Variants in UNC13C observed in about 807,000 individuals in gnomAD.
The protein encoded by UNC13C is unc-13 homolog C, also known as protein unc-13 homolog C.
Under a neutral mutation model 245.4 loss-of-function variants are expected in UNC13C, and 174 were observed. The ratio of observed to expected loss-of-function variants is 0.71; its 90% CI spans 0.63 to 0.80. UNC13C has a LOEUF of 0.80. Ranked by LOEUF, UNC13C falls within the 30% of genes least tolerant of loss-of-function variation. The pLI, the probability that UNC13C is intolerant of heterozygous loss-of-function variation, is 0.00. For synonymous variants in UNC13C, 992 were observed against 895.1 expected, an observed-to-expected ratio of 1.11 and a Z score of -1.93; for missense variants, 2,829 against 2,602.9, an observed-to-expected ratio of 1.09 and a Z score of -1.89.
At chr15:54,178,813 A>C (rs1408434057) in intron 4 of UNC13C, among the ~76,000 whole-genome samples, 3 of 152,160 alleles carry the variant, frequency 2.0e-5, no homozygotes, top group African/African-American at 7.2e-5. Flanking sequence ...AGCTTTACAG[A>C]GAAGTCTGAC....
chr15:54,017,355 C>T lies in UNC13C; in HGVS notation c.2983+1469C>T, dbSNP rs144737213. Among the ~76,000 whole-genome samples the T allele has an allele frequency of 3.9e-5, 6 of 152,044 alleles. No individual in the cohort carries two copies. The South Asian group carries it at 6.2e-4, about 16-fold the overall frequency. ...TTATATTGGAGTGATTTTTGAGAGT[C>T]GGATATCCTTGTTACTGAAATTCAT... On this transcript the variant is annotated intron_variant, in intron 2 of 32. Coordinates refer to ENST00000260323, the MANE Select transcript of UNC13C (RefSeq NM_001080534.3).
At chr15:54,569,201 AC>A (rs35319108) in intron 30 of UNC13C, among the ~76,000 whole-genome samples, 85,680 of 151,328 alleles carry the variant, frequency 0.57, 26,745 homozygotes, top group African/African-American at 0.84. Context: ...TTATGTGTAC[AC>A]CCCCCCCTCC....
At chr15:54,088,991 A>T (rs1195068285) in intron 2 of UNC13C, among the ~76,000 whole-genome samples, 1 of 152,160 alleles carries the variant, frequency 6.6e-6, no homozygotes, top group Non-Finnish European at 1.5e-5. Context: ...CAGAAACTTG[A>T]TGCTGGCCTT....
At chr15:54,302,563 C>T (rs560774568) in intron 13 of UNC13C, among the ~76,000 whole-genome samples, 19 of 152,234 alleles carry the variant, frequency 1.2e-4, no homozygotes, top group Non-Finnish European at 2.8e-4. Flanking sequence ...TTCCCCATTG[C>T]TTGTTTGTGT....
chr15:54,303,255 A>G (rs1447224895), intron 13 of UNC13C, among the ~76,000 whole-genome samples: 4 of 152,172 alleles, frequency 2.6e-5, no homozygotes, highest in South Asian at 4.1e-4. Flanking sequence ...GCCAAAGGCT[A>G]TGATTCAGAA....
intron 30 of UNC13C, among the ~76,000 whole-genome samples, chr15:54,578,036 T>C (rs1300280866): frequency 6.6e-6 from 1 of 152,188 alleles, no homozygotes; most frequent in Non-Finnish European, 1.5e-5. Flanking sequence ...CATTATAGTC[T>C]GGGCAGGACA....
At chr15:54,091,487 G>A (rs959126763) in intron 2 of UNC13C, among the ~76,000 whole-genome samples, 1 of 152,120 alleles carries the variant, frequency 6.6e-6, no homozygotes, top group Non-Finnish European at 1.5e-5. Flanking sequence ...ATAATGATAA[G>A]TCCTTTCGTA....
chr15:54,141,086 T>C (rs759072866), intron 2 of UNC13C, among the ~76,000 whole-genome samples: 1 of 152,184 alleles, frequency 6.6e-6, no homozygotes, highest in Non-Finnish European at 1.5e-5. Flanking sequence ...ATAATGAATA[T>C]AAAGTACTCA....
At chr15:53,868,511 G>C in the UNC13C span, among the ~76,000 whole-genome samples, 1 of 152,114 alleles carries the variant, frequency 6.6e-6, no homozygotes, top group Non-Finnish European at 1.5e-5. Context: ...AGGAGACTAA[G>C]GAGGCCCGGC....
intron 8 of UNC13C, among the ~76,000 whole-genome samples, chr15:54,257,888 G>T (rs1026257886): frequency 6.6e-6 from 1 of 152,146 alleles, no homozygotes; most frequent in African/African-American, 2.4e-5. Flanking sequence ...ACATCTAAAA[G>T]AAATGGGTAG....
intron 26 of UNC13C, among the ~76,000 whole-genome samples, chr15:54,535,696 C>T (rs767951882): frequency 1.3e-5 from 2 of 152,078 alleles, no homozygotes; most frequent in Admixed American, 6.6e-5. Context: ...CTAAGATGAT[C>T]TCTCAAAACT....
chr15:54,176,563 T>A (rs887547391), intron 4 of UNC13C, among the ~76,000 whole-genome samples: 1 of 152,110 alleles, frequency 6.6e-6, no homozygotes, highest in African/African-American at 2.4e-5. Flanking sequence ...ATGACTGAAA[T>A]CCTTTATCAA....
intron 4 of UNC13C, among the ~76,000 whole-genome samples, chr15:54,184,527 T>A (rs1235761733): frequency 6.6e-6 from 1 of 152,166 alleles, no homozygotes; most frequent in Non-Finnish European, 1.5e-5. Context: ...GTTTGGTTTT[T>A]TGTCCTTGCG....
intron 18 of UNC13C, among the ~76,000 whole-genome samples, chr15:54,408,228 A>AAAAAAAAAAAAAAAAAAAAAAAAAAC (rs2040347149): frequency 6.8e-6 from 1 of 146,068 alleles, no homozygotes; most frequent in African/African-American, 2.6e-5. Flanking sequence ...AAAAAAAAAA[A>AAAAAAAAAAAAAAAAAAAAAAAAAAC]ACATGGGCAA....
intron 2 of UNC13C, among the ~76,000 whole-genome samples, chr15:54,034,106 A>AC (rs1255677492): frequency 6.6e-6 from 1 of 152,132 alleles, no homozygotes; most frequent in Non-Finnish European, 1.5e-5. Context: ...CAGGAGGCTG[A>AC]CCCCTGTGTA....
At chr15:54,467,982 A>C (rs560401970) in intron 19 of UNC13C, among the ~76,000 whole-genome samples, 7 of 151,802 alleles carry the variant, frequency 4.6e-5, no homozygotes, top group Admixed American at 3.3e-4. Context: ...TACACCCAGA[A>C]GTGGGATTGC....
chr15:54,014,770 G>A lies in UNC13C; in HGVS notation c.1867G>A (p.Glu623Lys), dbSNP rs201356448. ...IQGQTETENT[E>K]TVDSGMSNGM... is the part of the protein sequence containing the mutation. ...AGGGCAGACTGAAACTGAAAACACA[G>A]AAACTGTGGATAGTGGAATGAGTAA... The change falls in exon 2 of 33, where the codon GAA becomes AAA. Residue 623 changes from glutamate to lysine, a missense_variant. By Grantham distance (56) the Glu-to-Lys change is moderately conservative. Coordinates refer to ENST00000260323, the MANE Select transcript of UNC13C (RefSeq NM_001080534.3). 358 of 1,613,738 alleles carry A rather than the reference G, an allele frequency of 2.2e-4. No homozygotes were observed. The highest frequency in any genetic ancestry group is 2.3e-4 in the Non-Finnish European group (276 of 1,179,826).
At chr15:53,877,569 CAGAG>C in the UNC13C span, among the ~76,000 whole-genome samples, 1 of 149,140 alleles carries the variant, frequency 6.7e-6, no homozygotes, top group African/African-American at 2.5e-5. Context: ...TTTGTGGATA[CAGAG>C]AGAGAGAGAG....
the UNC13C span, among the ~76,000 whole-genome samples, chr15:53,873,326 T>C: frequency 6.6e-6 from 1 of 152,072 alleles, no homozygotes; most frequent in East Asian, 1.9e-4. Flanking sequence ...CCTCTTCTCA[T>C]CCTGTCTCAT....
Sources: allele counts gnomAD v4.1 joint callset (sites outside exome capture counted in the v4.1 genomes callset), GRCh38; gene constraint gnomAD v4.1.1; transcripts MANE v1.5; gene names NCBI Gene and HGNC (gene_info 2026-07-23, HGNC 2026-07-21).